Variants in RHOF observed in about 807,000 individuals in gnomAD.
The protein encoded by RHOF is ras homolog family member F, filopodia associated.
A neutral mutation model predicts 22.2 loss-of-function variants in RHOF; 21 were observed. The observed-to-expected ratio is 0.95, with a 90% CI of 0.67 to 1.36. The LOEUF (loss-of-function observed/expected upper bound fraction) is 1.36, where lower values mean the gene tolerates loss of function less well. Among genes scored for constraint, RHOF ranks in the 40% most tolerant of loss-of-function variants. RHOF has a pLI of 0.00. For missense variants in RHOF, 285 were observed against 293.7 expected, an observed-to-expected ratio of 0.97 and a Z score of 0.22; for synonymous variants, 135 against 131.2, an observed-to-expected ratio of 1.03 and a Z score of -0.20.
chr12:121,780,175 A>C (rs1874397007), intron 4 of RHOF: 1 of 155,928 alleles, frequency 6.4e-6, no homozygotes, highest in Non-Finnish European at 1.4e-5. Flanking sequence ...CTCCTGCCTC[A>C]GCCTCCCGAG....
chr12:121,785,303 G>A (rs748342129), intron 2 of RHOF, among the ~76,000 whole-genome samples: 121 of 152,142 alleles, frequency 8.0e-4, no homozygotes, highest in Non-Finnish European at 1.5e-3. Context: ...ATTATTTCTC[G>A]AATTTTCCAG....
At chr12:121,789,666 G>A (rs1874712877) in intron 2 of RHOF, among the ~76,000 whole-genome samples, 1 of 152,178 alleles carries the variant, frequency 6.6e-6, no homozygotes, top group Non-Finnish European at 1.5e-5. Context: ...CAGGGGCTGG[G>A]CAGCCCCAGC....
intron 2 of RHOF, among the ~76,000 whole-genome samples, chr12:121,784,486 A>C (rs1010968237): frequency 7.3e-5 from 11 of 151,366 alleles, no homozygotes; most frequent in Non-Finnish European, 1.5e-4. Context: ...CAGAGGTTGC[A>C]GTGAGCCGAG....
intron 2 of RHOF, among the ~76,000 whole-genome samples, chr12:121,783,532 G>A (rs1874530064): frequency 6.6e-6 from 1 of 152,088 alleles, no homozygotes; most frequent in South Asian, 2.1e-4. Context: ...GCCCAGGCTG[G>A]AGTGCAATGG....
At chr12:121,792,014 C>A (rs1350223028) in intron 2 of RHOF, among the ~76,000 whole-genome samples, 2 of 152,256 alleles carry the variant, frequency 1.3e-5, no homozygotes, top group Non-Finnish European at 2.9e-5. Context: ...GAGACAGGCG[C>A]TGTTTTGGGG....
In RHOF at chr12:121,781,168, C is replaced by T. The variant is rs746745426; in HGVS notation, c.251G>A (p.Arg84Gln). 6.2e-6 allele frequency: 10 copies of T among 1,614,194 alleles called. No individual in the cohort carries two copies. In the Admixed American group the frequency reaches 6.7e-5, roughly 11 times the overall value. Residue 84 changes from arginine to glutamine, a missense_variant, in exon 3 of 5, where the codon CGG becomes CAG. Arg to Gln is a conservative substitution (Grantham distance 43). Coordinates refer to ENST00000267205, the MANE Select transcript of RHOF (RefSeq NM_019034.3). ...GTGGGTGTTCTGGTAGGACAGGGGC[C>T]GCAGCCGGTCATAGTCTTCTTGCCC... ...TAGQEDYDRL[R>Q]PLSYQNTHLV...
Position 121,793,574 on chromosome 12 carries a change from C to CAA in RHOF, c.59_60insTT (p.Lys21Ter). Reference sequence around the variant, plus strand: ...CGCCGTCGCCCACGATCACGATCTTCAGCTCCTTCCTGCCCGGACCGGGGG... The same window carrying CAA: ...CGCCGTCGCCCACGATCACGATCTTCAAAGCTCCTTCCTGCCCGGACCGGGGG... On this transcript the variant is annotated frameshift_variant, in exon 1 of 5. Transcript: ENST00000267205. LOFTEE classifies it high-confidence loss of function. The CAA allele has an allele frequency of 6.4e-7, 1 of 1,553,348 alleles. No homozygotes were observed. The highest frequency in any genetic ancestry group is 1.2e-5 in the South Asian group (1 of 84,790).
chr12:121,781,250 G>T, intron 2 of RHOF, 58 bp from the exon 3 acceptor site: 1 of 1,496,224 alleles, frequency 6.7e-7, no homozygotes, highest in Non-Finnish European at 9.3e-7. Flanking sequence ...GGACTCTGAC[G>T]GGTGAAGGGG....
At chr12:121,793,450 T>C (rs1874819509) in intron 1 of RHOF, 46 bp downstream of exon 1, 1 of 1,533,160 alleles carries the variant, frequency 6.5e-7, no homozygotes, top group South Asian at 1.2e-5. Context: ...GGGCTCAGGG[T>C]AAGGGGCGTC....
At chr12:121,780,115 TG>T in intron 4 of RHOF, 1 of 160,052 alleles carries the variant, frequency 6.2e-6, no homozygotes, top group Non-Finnish European at 1.4e-5. Flanking sequence ...TGGAGTGCAA[TG>T]GCGCGATCTT....
At chr12:121,793,074 C>A in intron 2 of RHOF, 78 bp downstream of exon 2, 1 of 1,259,946 alleles carries the variant, frequency 7.9e-7, no homozygotes, top group Non-Finnish European at 1.1e-6. Flanking sequence ...GGCGGGGACA[C>A]CCAGTGGGGG....
At position 121,780,901 on chromosome 12, in the gene RHOF, C is replaced by T. The variant is rs147896506; in HGVS notation, c.442G>A (p.Ala148Thr). 7.4e-5 allele frequency: 120 copies of T among 1,613,592 alleles called. 1 individual carries two copies. The highest frequency in any genetic ancestry group is 4.3e-4 in the African/African-American group (32 of 74,914). Residue 148 changes from alanine to threonine, a missense_variant, in exon 4 of 5, where the codon GCC becomes ACC. Ala to Thr is a moderately conservative substitution (Grantham distance 58). Transcript: ENST00000267205. ...ATGTAGGTGATGGGCTCCAGCTGGGCGGCCCGGAGCTTCCGCAGCTGCTCC... is the reference window on the plus strand; with the variant it reads ...ATGTAGGTGATGGGCTCCAGCTGGGTGGCCCGGAGCTTCCGCAGCTGCTCC... ...DKEQLRKLRA[A>T]QLEPITYMQG...
rs1273510085 is a variant in RHOF at position 121,780,964 on chromosome 12, C to T, written c.379G>A (p.Val127Met). 1 of 1,614,090 alleles carries T rather than the reference C, an allele frequency of 6.2e-7. No individual in the cohort carries two copies. The highest frequency in any genetic ancestry group is 1.7e-5 in the Admixed American group (1 of 60,010). The change falls in exon 4 of 5, where the codon GTG becomes ATG. Residue 127 changes from valine to methionine, a missense_variant. Transcript: ENST00000267205. The stretch of plus-strand genomic sequence containing the variant: ...AGGTCTGTCTTGCAGCCGATGAGCA[C>T]CATGGGGATCCCGCGGCAGAAATGC... ...VTHFCRGIPM[V>M]LIGCKTDLRK...
intron 2 of RHOF, among the ~76,000 whole-genome samples, chr12:121,791,740 C>A (rs1874769755): frequency 6.6e-6 from 1 of 152,210 alleles, no homozygotes; most frequent in South Asian, 2.1e-4. Context: ...GAACAGTGAA[C>A]CCCGGGACCT....
At chr12:121,781,253 T>TGAAGGG in intron 2 of RHOF, 61 bp from the exon 3 acceptor site, 1 of 1,491,460 alleles carries the variant, frequency 6.7e-7, no homozygotes, top group East Asian at 2.3e-5. Context: ...CTCTGACGGG[T>TGAAGGG]GAAGGGGAAG....
chr12:121,781,820 G>C (rs371740389), intron 2 of RHOF: 1 of 153,164 alleles, frequency 6.5e-6, no homozygotes, highest in African/African-American at 2.4e-5. Context: ...GGAGGAGGGT[G>C]GTGGGTTGCT....
At chr12:121,788,180 TG>T (rs1169125820) in intron 2 of RHOF, among the ~76,000 whole-genome samples, 5 of 152,220 alleles carry the variant, frequency 3.3e-5, no homozygotes, top group Admixed American at 6.5e-5. Context: ...CACAGAGAGC[TG>T]GAGTGACTTG....
intron 2 of RHOF, chr12:121,782,795 C>A (rs1020601972): frequency 1.3e-5 from 2 of 152,180 alleles, no homozygotes; most frequent in Admixed American, 1.3e-4. Context: ...CCAGCTCTGC[C>A]CTCACTGGCT....
At chr12:121,784,518 C>T (rs1409573423) in intron 2 of RHOF, among the ~76,000 whole-genome samples, 2 of 148,638 alleles carry the variant, frequency 1.3e-5, no homozygotes, top group South Asian at 2.1e-4. Context: ...GCACTCTAGC[C>T]TGGGTGACAG....
Sources: allele counts gnomAD v4.1 joint callset (sites outside exome capture counted in the v4.1 genomes callset), GRCh38; gene constraint gnomAD v4.1.1; transcripts MANE v1.5; gene names NCBI Gene and HGNC (gene_info 2026-07-23, HGNC 2026-07-21).